Variants in ST6GALNAC5 observed in about 807,000 individuals in gnomAD.
The protein encoded by ST6GALNAC5 is ST6 N-acetylgalactosaminide alpha-2,6-sialyltransferase 5, also known as alpha-N-acetylgalactosaminide alpha-2,6-sialyltransferase 5.
A neutral mutation model predicts 33.6 loss-of-function variants in ST6GALNAC5; 27 were observed. The ratio of observed to expected loss-of-function variants is 0.80; its 90% CI spans 0.59 to 1.11. The LOEUF is 1.11. Ranked by LOEUF, ST6GALNAC5 falls within the 50% of genes least tolerant of loss-of-function variation. ST6GALNAC5 has a pLI of 0.00. For synonymous variants in ST6GALNAC5, 194 were observed against 171.2 expected (o/e 1.13, Z -1.04); for missense variants, 428 against 454.0 (o/e 0.94, Z 0.52).
At chr1:76,958,184 G>A (rs1197392129) in intron 2 of ST6GALNAC5, among the ~76,000 whole-genome samples, 3 of 152,172 alleles carry the variant, frequency 2.0e-5, no homozygotes, top group South Asian at 2.1e-4. Context: ...GGCGGCAACC[G>A]CTTCTCTGCA....
intron 2 of ST6GALNAC5, among the ~76,000 whole-genome samples, chr1:76,985,202 T>C (rs1467264852): frequency 6.6e-6 from 1 of 152,124 alleles, no homozygotes. Context: ...GGGTATTCAA[T>C]TAGGAAAAGA....
chr1:76,986,409 A>G (rs1227681754), intron 2 of ST6GALNAC5, among the ~76,000 whole-genome samples: 1 of 152,258 alleles, frequency 6.6e-6, no homozygotes, highest in Non-Finnish European at 1.5e-5. Context: ...AGACACATGA[A>G]AAAATGCTCA....
At chr1:77,015,088 T>C (rs1502532) in intron 2 of ST6GALNAC5, among the ~76,000 whole-genome samples, 26,965 of 72,364 alleles carry the variant, frequency 0.37, 2,725 homozygotes, top group African/African-American at 0.49. Context: ...CACACACACA[T>C]GGAGCTTTAT....
intron 2 of ST6GALNAC5, among the ~76,000 whole-genome samples, chr1:76,939,922 C>T (rs1349375723): frequency 6.6e-6 from 1 of 152,074 alleles, no homozygotes; most frequent in Non-Finnish European, 1.5e-5. Flanking sequence ...CTCTTCAGAC[C>T]TCAATTTCCT....
At chr1:76,945,777 T>G (rs949749444) in intron 2 of ST6GALNAC5, among the ~76,000 whole-genome samples, 5 of 152,152 alleles carry the variant, frequency 3.3e-5, no homozygotes, top group African/African-American at 1.2e-4. Flanking sequence ...GAATGTTACA[T>G]CCCAACCTCC....
intron 2 of ST6GALNAC5, among the ~76,000 whole-genome samples, chr1:76,913,852 G>T (rs140832198): frequency 0.013 from 2,030 of 152,196 alleles, 47 homozygotes; most frequent in African/African-American, 0.046. Context: ...GGGCAATTAG[G>T]CAAGAGAAGG....
chr1:76,968,258 G>T (rs1464925360), intron 2 of ST6GALNAC5, among the ~76,000 whole-genome samples: 1 of 152,166 alleles, frequency 6.6e-6, no homozygotes, highest in Non-Finnish European at 1.5e-5. Flanking sequence ...TTATGAATCT[G>T]GGTGTTCCTG....
chr1:76,875,733 G>A (rs866343130), intron 2 of ST6GALNAC5, among the ~76,000 whole-genome samples: 4 of 152,108 alleles, frequency 2.6e-5, no homozygotes, highest in Admixed American at 6.5e-5. Flanking sequence ...TCCTGGACCC[G>A]TGCATCCTGG....
intron 2 of ST6GALNAC5, among the ~76,000 whole-genome samples, chr1:77,042,109 T>A (rs139547045): frequency 6.6e-6 from 1 of 152,244 alleles, no homozygotes; most frequent in African/African-American, 2.4e-5. Context: ...CCCTTCAATA[T>A]TCTCATTTGT....
chr1:76,939,009 T>G (rs1647262462), intron 2 of ST6GALNAC5, among the ~76,000 whole-genome samples: 1 of 152,160 alleles, frequency 6.6e-6, no homozygotes. Context: ...TTAAATGTTT[T>G]CAATTTGCAG....
In ST6GALNAC5 at chr1:77,061,341, A is replaced by T. The variant is rs768706060; in HGVS notation, c.780-1634A>T. Reference sequence around the variant, plus strand: ...AAAGGTTTATTGTTGTCAGAGCCAAAAACATGACACCCCTCTTGATAAAAG... The same window carrying T: ...AAAGGTTTATTGTTGTCAGAGCCAATAACATGACACCCCTCTTGATAAAAG... On this transcript the variant is annotated intron_variant, in intron 4 of 4. Coordinates refer to ENST00000477717, the MANE Select transcript of ST6GALNAC5 (RefSeq NM_030965.3). Among the ~76,000 whole-genome samples, 962 of 152,324 alleles carry T rather than the reference A, an allele frequency of 6.3e-3. 4 individuals carry two copies. Among genetic ancestry groups the T allele is most frequent in the Non-Finnish European group, 1.0e-2 (678 of 68,024 alleles).
intron 2 of ST6GALNAC5, among the ~76,000 whole-genome samples, chr1:77,043,832 G>A (rs2281305): frequency 0.15 from 22,534 of 152,136 alleles, 2,058 homozygotes; most frequent in South Asian, 0.34. Flanking sequence ...TTACTGGCTA[G>A]GAATAAAGGG....
At chr1:77,050,683 C>T (rs1466479878) in intron 4 of ST6GALNAC5, among the ~76,000 whole-genome samples, 3 of 152,216 alleles carry the variant, frequency 2.0e-5, no homozygotes, top group Non-Finnish European at 4.4e-5. Flanking sequence ...ATTAGTTTTA[C>T]TCTCATTTCA....
chr1:76,964,999 G>A (rs1648399806), intron 2 of ST6GALNAC5, among the ~76,000 whole-genome samples: 1 of 152,134 alleles, frequency 6.6e-6, no homozygotes. Context: ...TCTTAATCCA[G>A]TCTATCATTG....
At chr1:76,875,949 A>G (rs950190078) in intron 2 of ST6GALNAC5, among the ~76,000 whole-genome samples, 1 of 152,198 alleles carries the variant, frequency 6.6e-6, no homozygotes, top group Non-Finnish European at 1.5e-5. Context: ...AGTGAATTCC[A>G]TGAGCATGAG....
chr1:77,015,092 G>A (rs1009271008), intron 2 of ST6GALNAC5, among the ~76,000 whole-genome samples: 17 of 132,488 alleles, frequency 1.3e-4, no homozygotes, highest in African/African-American at 4.7e-4. Flanking sequence ...CACACATGGA[G>A]CTTTATTATG....
intron 2 of ST6GALNAC5, among the ~76,000 whole-genome samples, chr1:76,872,837 T>C (rs1054160090): frequency 6.6e-6 from 1 of 152,176 alleles, no homozygotes; most frequent in Non-Finnish European, 1.5e-5. Context: ...AATCTGCCAA[T>C]GATGATGAAA....
chr1:77,065,412 TACTC>T lies in ST6GALNAC5; in HGVS notation c.*2208_*2211del, dbSNP rs1352162790. The T allele has an allele frequency of 2.6e-5, 4 of 152,192 alleles. No individual in the cohort carries two copies. Among genetic ancestry groups the T allele is most frequent in the African/African-American group, 9.6e-5 (4 of 41,464 alleles). 9.4% of individuals were successfully genotyped at this position (152,192 alleles called of 1,614,324 possible). ...TCGTTTGTAACTTCTCCCTCTCAAA[TACTC>T]AGAAGAATGAAGAGGCCAAATTCAG... On this transcript the variant is annotated 3_prime_UTR_variant, in exon 5 of 5. Coordinates refer to ENST00000477717, the MANE Select transcript of ST6GALNAC5 (RefSeq NM_030965.3).
At chr1:76,873,119 A>C (rs1653547617) in intron 2 of ST6GALNAC5, among the ~76,000 whole-genome samples, 1 of 152,080 alleles carries the variant, frequency 6.6e-6, no homozygotes, top group Non-Finnish European at 1.5e-5. Flanking sequence ...TTTCCTGCTG[A>C]TCTGTGAACA....
Sources: allele counts gnomAD v4.1 joint callset (sites outside exome capture counted in the v4.1 genomes callset), GRCh38; gene constraint gnomAD v4.1.1; transcripts MANE v1.5; gene names NCBI Gene and HGNC (gene_info 2026-07-23, HGNC 2026-07-21).